Variants in NLGN1 observed in about 807,000 individuals in gnomAD.
The protein encoded by NLGN1 is neuroligin 1.
In NLGN1, 12 loss-of-function variants were observed where a neutral mutation model predicts 65.5. The ratio of observed to expected loss-of-function variants is 0.18; its 90% CI spans 0.12 to 0.30. NLGN1 has a LOEUF of 0.30. NLGN1 is among the 10% of genes least tolerant of loss of function. The probability of loss-of-function intolerance (pLI) is 1.00; values close to 1 mark genes in which losing one functional copy is unlikely to be tolerated. For missense variants in NLGN1, 750 were observed against 1,007.1 expected (o/e 0.74, Z 3.46); for synonymous variants, 350 against 359.5 (o/e 0.97, Z 0.30).
At chr3:173,689,609 T>C (rs975547989) in intron 3 of NLGN1, among the ~76,000 whole-genome samples, 4 of 152,164 alleles carry the variant, frequency 2.6e-5, no homozygotes, top group African/African-American at 9.6e-5. Flanking sequence ...ACAAGATTCC[T>C]CAAGATAATG....
At chr3:173,580,772 C>A (rs1385347464) in intron 2 of NLGN1, among the ~76,000 whole-genome samples, 1 of 151,944 alleles carries the variant, frequency 6.6e-6, no homozygotes, top group African/African-American at 2.4e-5. Flanking sequence ...GAAAAATGAA[C>A]CTTCAGTTCT....
chr3:173,854,208 C>T (rs1040277583), intron 4 of NLGN1, among the ~76,000 whole-genome samples: 3 of 151,928 alleles, frequency 2.0e-5, no homozygotes, highest in African/African-American at 7.2e-5. Flanking sequence ...TTGCAGAGTA[C>T]TTCAGTATAG....
chr3:174,202,610 C>G (rs1429729607), intron 4 of NLGN1: 2 of 152,026 alleles, frequency 1.3e-5, no homozygotes, highest in East Asian at 3.9e-4. Context: ...ATATTTTCAG[C>G]CTGAGTTTTC....
chr3:173,899,220 T>C (rs529206131), intron 4 of NLGN1, among the ~76,000 whole-genome samples: 37 of 152,202 alleles, frequency 2.4e-4, no homozygotes, highest in African/African-American at 8.4e-4. Flanking sequence ...AAATACATTT[T>C]AAAAACCTAA....
intron 3 of NLGN1, among the ~76,000 whole-genome samples, chr3:173,785,340 T>A (rs539404757): frequency 1.3e-5 from 2 of 152,360 alleles, no homozygotes; most frequent in South Asian, 2.1e-4. Context: ...TATATCTTGA[T>A]AATTTCCACA....
chr3:173,469,464 G>A (rs1724954557), intron 2 of NLGN1, among the ~76,000 whole-genome samples: 1 of 151,880 alleles, frequency 6.6e-6, no homozygotes, highest in South Asian at 2.1e-4. Flanking sequence ...ATATTTAGTT[G>A]GCCAATTAAA....
At chr3:173,776,659 G>A (rs1780342303) in intron 3 of NLGN1, among the ~76,000 whole-genome samples, 1 of 151,772 alleles carries the variant, frequency 6.6e-6, no homozygotes, top group Non-Finnish European at 1.5e-5. Flanking sequence ...ATGTAAATTG[G>A]GCAGGTATGG....
intron 3 of NLGN1, among the ~76,000 whole-genome samples, chr3:173,746,231 C>A (rs571008373): frequency 1.3e-5 from 2 of 152,090 alleles, no homozygotes; most frequent in South Asian, 4.1e-4. Context: ...AGTTCAAGAT[C>A]AGCCTGAGCA....
chr3:173,406,442 C>T (rs965033872), intron 1 of NLGN1, among the ~76,000 whole-genome samples: 13 of 149,004 alleles, frequency 8.7e-5, no homozygotes, highest in South Asian at 2.1e-4. Flanking sequence ...TATAAATTGG[C>T]GATGTACTAT....
chr3:174,208,531 C>A (rs1291396489), intron 4 of NLGN1, among the ~76,000 whole-genome samples: 1 of 152,106 alleles, frequency 6.6e-6, no homozygotes, highest in Admixed American at 6.6e-5. Flanking sequence ...CAGGTTCTCA[C>A]TGGAATTTTC....
chr3:174,142,321 C>T (rs1722439800), intron 4 of NLGN1, among the ~76,000 whole-genome samples: 3 of 152,090 alleles, frequency 2.0e-5, no homozygotes, highest in Admixed American at 2.0e-4. Flanking sequence ...TCCATTCTTT[C>T]TTGATTGGCA....
Position 173,605,115 on chromosome 3 carries a change from G to C in NLGN1, c.493+24G>C, listed in dbSNP as rs1751168870. 3.2e-6 allele frequency: 5 copies of C among 1,547,926 alleles called. No homozygotes were observed. The South Asian group carries it at 6.1e-5, about 19-fold the overall frequency. On this transcript the variant is annotated intron_variant, in intron 3 of 6. Transcript: ENST00000457714. Reference sequence around the variant, plus strand: ...TGGTGAGTTTATTGCAGGAAAAACAGGGAGATATATTTATATATTTTTTCT... The same window carrying C: ...TGGTGAGTTTATTGCAGGAAAAACACGGAGATATATTTATATATTTTTTCT...
intron 1 of NLGN1, among the ~76,000 whole-genome samples, chr3:173,409,577 C>G (rs1712074276): frequency 6.6e-6 from 1 of 152,140 alleles, no homozygotes; most frequent in African/African-American, 2.4e-5. Flanking sequence ...GATTTCCTGT[C>G]TCCTGATCCC....
At chr3:174,079,672 T>C (rs1343629943) in intron 4 of NLGN1, among the ~76,000 whole-genome samples, 1 of 152,152 alleles carries the variant, frequency 6.6e-6, no homozygotes, top group Non-Finnish European at 1.5e-5. Context: ...TTAAAAAATG[T>C]GGGACATGTA....
chr3:173,445,233 A>G (rs1450768861), intron 2 of NLGN1, among the ~76,000 whole-genome samples: 1 of 136,586 alleles, frequency 7.3e-6, no homozygotes, highest in African/African-American at 2.9e-5. Context: ...CCGCCACTGC[A>G]CTCCAGCCTG....
In NLGN1 at chr3:173,498,293, C is replaced by G. The variant is rs892340933; in HGVS notation, c.-321+63215C>G. On this transcript the variant is annotated intron_variant, in intron 2 of 6. Transcript: ENST00000457714. Reference sequence around the variant, plus strand: ...TTGTTCAATTCCCACCTATGAGTGACAACATGCGGTGTTGGGTTTTTTGTC... The same window carrying G: ...TTGTTCAATTCCCACCTATGAGTGAGAACATGCGGTGTTGGGTTTTTTGTC... 1.3e-4 allele frequency among the ~76,000 whole-genome samples: 19 copies of G among 151,310 alleles called. 1 individual carries two copies. The highest frequency in any genetic ancestry group is 5.9e-5 in the Non-Finnish European group (4 of 67,972).
At chr3:173,705,153 C>T (rs914699535) in intron 3 of NLGN1, among the ~76,000 whole-genome samples, 5 of 151,282 alleles carry the variant, frequency 3.3e-5, no homozygotes, top group African/African-American at 1.2e-4. Context: ...CCTTTGGAAA[C>T]ATTTTTTTTT....
At chr3:174,163,893 A>T (rs1398943714) in intron 4 of NLGN1, among the ~76,000 whole-genome samples, 1 of 152,112 alleles carries the variant, frequency 6.6e-6, no homozygotes, top group Admixed American at 6.6e-5. Flanking sequence ...TGCATTTAAC[A>T]TACAAGTGCA....
At chr3:174,052,386 T>G (rs1735097088) in intron 4 of NLGN1, among the ~76,000 whole-genome samples, 2 of 152,026 alleles carry the variant, frequency 1.3e-5, no homozygotes, top group Non-Finnish European at 2.9e-5. Flanking sequence ...ACAAGATTAT[T>G]GATTTTTTTT....
Sources: gnomAD v4.1 joint callset for allele counts (sites outside exome capture counted in the v4.1 genomes callset) on GRCh38, gnomAD v4.1.1 for gene constraint, MANE v1.5 for transcripts, NCBI Gene and HGNC (gene_info 2026-07-23, HGNC 2026-07-21) for gene names.